Variants in COG6 observed in about 807,000 individuals in gnomAD.
COG6 encodes component of oligomeric golgi complex 6.
Under a neutral mutation model 88.8 loss-of-function variants are expected in COG6, and 74 were observed. The ratio of observed to expected loss-of-function variants is 0.83; its 90% confidence interval spans 0.69 to 1.01. COG6 has a LOEUF of 1.01. Among genes scored for constraint, COG6 ranks in the 50% least tolerant of loss-of-function variants. The pLI is 0.00. For missense variants in COG6, 800 were observed against 797.9 expected (o/e 1.00, Z -0.03); for synonymous variants, 286 against 278.7 (o/e 1.03, Z -0.26).
intron 18 of COG6, among the ~76,000 whole-genome samples, chr13:39,733,038 A>G (rs534997677): frequency 6.6e-6 from 1 of 152,242 alleles, no homozygotes; most frequent in African/African-American, 2.4e-5. Context: ...TTGAAAAGCT[A>G]AGTATAAAAA....
chr13:39,666,014 CAGT>C (rs1875236460), intron 4 of COG6, among the ~76,000 whole-genome samples: 1 of 152,160 alleles, frequency 6.6e-6, no homozygotes, highest in East Asian at 1.9e-4. Flanking sequence ...TACCCTACTG[CAGT>C]AGAGTCGTGT....
intron 7 of COG6, among the ~76,000 whole-genome samples, chr13:39,680,715 C>G (rs1213884105): frequency 6.6e-6 from 1 of 152,168 alleles, no homozygotes; most frequent in Non-Finnish European, 1.5e-5. Flanking sequence ...TTTCTAGAGG[C>G]TGCCTGCATT....
intron 13 of COG6, among the ~76,000 whole-genome samples, chr13:39,704,811 G>A (rs964206596): frequency 6.6e-6 from 1 of 152,062 alleles, no homozygotes; most frequent in Non-Finnish European, 1.5e-5. Flanking sequence ...GCAGTGAATG[G>A]GCTCTGATCA....
intron 4 of COG6, 36 bp from the exon 5 acceptor site, chr13:39,677,432 A>G (rs1348429015): frequency 2.5e-6 from 3 of 1,187,426 alleles, no homozygotes; most frequent in South Asian, 1.2e-5. Context: ...ACTGTGTAAG[A>G]TGCTTGATTT....
Position 39,735,805 on chromosome 13 carries a change from T to C in COG6, c.1826+8257T>C, listed in dbSNP as rs545760592. 5.3e-5 allele frequency among the ~76,000 whole-genome samples: 8 copies of C among 152,034 alleles called. 1 individual carries two copies. In the South Asian group the frequency reaches 1.5e-3, roughly 28 times the overall value. On this transcript the variant is annotated intron_variant, in intron 18 of 18. Coordinates refer to ENST00000455146, the MANE Select transcript of COG6 (RefSeq NM_020751.3). Reference sequence around the variant, plus strand: ...ATGGTATTCTAGGATAAAAGTTTTTTTTTCCTTCAGCACTTTAAATGTGTC... The same window carrying C: ...ATGGTATTCTAGGATAAAAGTTTTTCTTTCCTTCAGCACTTTAAATGTGTC...
chr13:39,670,375 AGAATGTT>A (rs1875552296), intron 4 of COG6, among the ~76,000 whole-genome samples: 1 of 152,098 alleles, frequency 6.6e-6, no homozygotes, highest in African/African-American at 2.4e-5. Flanking sequence ...TAATCTCTGG[AGAATGTT>A]TATGTGTGTG....
chr13:39,673,364 G>T (rs1176449701), intron 4 of COG6, among the ~76,000 whole-genome samples: 1 of 151,814 alleles, frequency 6.6e-6, no homozygotes, highest in African/African-American at 2.4e-5. Flanking sequence ...TGAAATCATG[G>T]CATGGTACTG....
intron 18 of COG6, 84 bp from the exon 19 acceptor site, chr13:39,750,858 GTTGA>G (rs1880583374): frequency 2.5e-5 from 24 of 945,394 alleles, no homozygotes; most frequent in Admixed American, 3.9e-5. Context: ...AATGAAATGT[GTTGA>G]TTGAAGTGTC....
At chr13:39,668,673 A>G (rs1027974100) in intron 4 of COG6, among the ~76,000 whole-genome samples, 2 of 152,090 alleles carry the variant, frequency 1.3e-5, no homozygotes, top group African/African-American at 4.8e-5. Flanking sequence ...CTGTAGTCCC[A>G]GCTACTCAGG....
At chr13:39,780,860 C>G (rs1411128955) in intron 18 of COG6, among the ~76,000 whole-genome samples, 2 of 152,184 alleles carry the variant, frequency 1.3e-5, no homozygotes, top group African/African-American at 4.8e-5. Flanking sequence ...AAGGCGATGG[C>G]TCTCGTTACT....
intron 18 of COG6, among the ~76,000 whole-genome samples, chr13:39,783,816 A>G (rs976897220): frequency 6.6e-6 from 1 of 152,144 alleles, no homozygotes; most frequent in African/African-American, 2.4e-5. Context: ...TCCAAATACA[A>G]CTGTAACACA....
chr13:39,744,960 C>T (rs78394517), intron 18 of COG6, among the ~76,000 whole-genome samples: 38,882 of 151,996 alleles, frequency 0.26, 5,006 homozygotes, highest in Non-Finnish European at 0.26. Context: ...CATCTACAAC[C>T]ATCTGATCTT....
chr13:39,735,474 T>A (rs987046780), intron 18 of COG6, among the ~76,000 whole-genome samples: 18 of 152,158 alleles, frequency 1.2e-4, no homozygotes, highest in African/African-American at 4.3e-4. Flanking sequence ...CTTGAAATGT[T>A]ACTGTAGTTA....
chr13:39,721,221 G>A (rs1375930056), intron 15 of COG6, among the ~76,000 whole-genome samples: 1 of 151,962 alleles, frequency 6.6e-6, no homozygotes, highest in African/African-American at 2.4e-5. Context: ...TTTCTTATGT[G>A]TTCCATAGCT....
intron 7 of COG6, among the ~76,000 whole-genome samples, chr13:39,681,695 A>AT (rs1301241970): frequency 6.6e-6 from 1 of 152,158 alleles, no homozygotes; most frequent in Non-Finnish European, 1.5e-5. Flanking sequence ...TGGTGTAGAA[A>AT]TTTTTAAGAG....
chr13:39,762,848 T>C (rs1249686858), intron 18 of COG6, among the ~76,000 whole-genome samples: 1 of 151,494 alleles, frequency 6.6e-6, no homozygotes, highest in African/African-American at 2.4e-5. Flanking sequence ...AGCAGAATGT[T>C]AACTAATAGC....
intron 18 of COG6, among the ~76,000 whole-genome samples, chr13:39,745,356 A>G (rs1331483642): frequency 6.6e-6 from 1 of 152,242 alleles, no homozygotes; most frequent in Non-Finnish European, 1.5e-5. Context: ...ACAAAGGGCT[A>G]ATATCCAGAA....
intron 18 of COG6, among the ~76,000 whole-genome samples, chr13:39,746,440 C>A (rs187671161): frequency 0.018 from 2,775 of 152,130 alleles, 41 homozygotes; most frequent in Middle Eastern, 0.082. Context: ...ACAACAACAA[C>A]AAAAAAATTC....
chr13:39,684,571 C>T (rs1876530875), intron 8 of COG6, among the ~76,000 whole-genome samples: 1 of 151,966 alleles, frequency 6.6e-6, no homozygotes, highest in Non-Finnish European at 1.5e-5. Flanking sequence ...TTTTAAGACA[C>T]ATTTAGAAGT....
Sources: gnomAD v4.1 joint callset for allele counts (sites outside exome capture counted in the v4.1 genomes callset) on GRCh38, gnomAD v4.1.1 for gene constraint, MANE v1.5 for transcripts, NCBI Gene and HGNC (gene_info 2026-07-23, HGNC 2026-07-21) for gene names.